KNL1: variants seen among roughly 807,000 people sequenced by gnomAD.
KNL1 encodes the protein outer kinetochore KNL1 complex subunit KNL1.
In KNL1, 66 loss-of-function variants were observed where a neutral mutation model predicts 201.3. That is an observed-to-expected ratio of 0.33 (90% CI 0.27 to 0.40). The LOEUF (loss-of-function observed/expected upper bound fraction) is 0.40. KNL1 is among the 10% of genes least tolerant of loss of function. The probability of loss-of-function intolerance (pLI) is 1.00; values close to 1 mark genes in which losing one functional copy is unlikely to be tolerated. For missense variants in KNL1, 2,815 were observed against 2,690.5 expected (o/e 1.05, Z -1.02); for synonymous variants, 895 against 899.2 (o/e 1.00, Z 0.08).
chr15:40,626,827 A>G (rs1892768149), intron 10 of KNL1, among the ~76,000 whole-genome samples: 1 of 149,272 alleles, frequency 6.7e-6, no homozygotes, highest in Non-Finnish European at 1.5e-5. Flanking sequence ...TGACCCACCC[A>G]CCTCGACCTC....
intron 24 of KNL1, among the ~76,000 whole-genome samples, chr15:40,658,062 T>TC (rs774412184): frequency 6.6e-6 from 1 of 151,938 alleles, no homozygotes; most frequent in Non-Finnish European, 1.5e-5. Context: ...GGTCAGGACT[T>TC]CAAGACCAGC....
At position 40,621,076 on chromosome 15, in the gene KNL1, C is replaced by G. The variant is rs201037775; in HGVS notation, c.812C>G (p.Thr271Ser). Reference sequence around the variant, plus strand: ...GAAGATGAAAATAACAGTAATATTACTAGGCTCTTTAGAGAAAAAGATGAT... The same window carrying G: ...GAAGATGAAAATAACAGTAATATTAGTAGGCTCTTTAGAGAAAAAGATGAT... ...LKEDENNSNI[T>S]RLFREKDDGM... The change falls in exon 10 of 26, where the codon ACT becomes AGT. Residue 271 changes from threonine (T) to serine (S), a missense_variant. Transcript: ENST00000399668. 345 of 1,612,892 alleles carry G rather than the reference C, an allele frequency of 2.1e-4. No homozygotes were observed. The African/African-American group carries it at 3.8e-3, about 18-fold the overall frequency.
Position 40,654,929 on chromosome 15 carries a change from A to G in KNL1, c.6436A>G (p.Lys2146Glu), listed in dbSNP as rs1893676014. The change falls in exon 22 of 26, where the codon AAG becomes GAG. Residue 2146 changes from lysine (K) to glutamate (E), a missense_variant. Coordinates refer to ENST00000399668, the MANE Select transcript of KNL1 (RefSeq NM_144508.5). ...ESVVGFPFLD[K>E]RYRKIVDVNF... ...TCTAGTTGGTTTCCCTTTCCTGGAC[A>G]AGCGTTATAGGAAGATTGTTGATGT... 2.5e-6 allele frequency: 4 copies of G among 1,612,682 alleles called. No individual in the cohort carries two copies. The highest frequency in any genetic ancestry group is 2.5e-6 in the Non-Finnish European group (3 of 1,179,498).
At chr15:40,603,544 C>T (rs1891876924) in intron 2 of KNL1, among the ~76,000 whole-genome samples, 1 of 152,158 alleles carries the variant, frequency 6.6e-6, no homozygotes, top group Non-Finnish European at 1.5e-5. Flanking sequence ...GAGGCTTAGG[C>T]CCAGTAACTT....
chr15:40,628,640 T>C lies in KNL1; in HGVS notation c.5545T>C (p.Phe1849Leu). Residue 1849 changes from phenylalanine to leucine, a missense_variant, in exon 12 of 26, where the codon TTT becomes CTT. By Grantham distance (22) the Phe-to-Leu change is conservative (BLOSUM62 0). This residue lies in a region of KNL1 where 2,464 missense variants were observed against 2,291.7 expected (regional missense o/e 1.08). Transcript: ENST00000399668. Reference sequence around the variant, plus strand: ...CCGCAGTAGTCAAATGGAATCACAGTTTCTCAGAGATACTATTTGTGAAGA... The same window carrying C: ...CCGCAGTAGTCAAATGGAATCACAGCTTCTCAGAGATACTATTTGTGAAGA... The part of the protein sequence containing the change: ...TYRSSQMESQ[F>L]LRDTICEESL... 1.2e-6 allele frequency: 2 copies of C among 1,603,296 alleles called. No homozygotes were observed. The highest frequency in any genetic ancestry group is 1.7e-6 in the Non-Finnish European group (2 of 1,173,806).
chr15:40,630,472 G>C (rs937168816), intron 13 of KNL1, among the ~76,000 whole-genome samples: 4 of 152,110 alleles, frequency 2.6e-5, no homozygotes, highest in African/African-American at 9.7e-5. Context: ...CAACCCCTGG[G>C]GTTAGGAACT....
Position 40,661,992 on chromosome 15 carries a change from T to G in KNL1, c.6837-82T>G, listed in dbSNP as rs1470773753. 3 of 736,716 alleles carry G rather than the reference T, an allele frequency of 4.1e-6. No individual in the cohort carries two copies. The African/African-American group carries it at 5.2e-5, about 13-fold the overall frequency. 45.6% of individuals were successfully genotyped at this position (736,716 alleles called of 1,614,324 possible). On this transcript the variant is annotated intron_variant, in intron 25 of 25. Coordinates refer to ENST00000399668, the MANE Select transcript of KNL1 (RefSeq NM_144508.5). ...GGAGGTGGAGCTTGCAGTGAGCGGA[T>G]TGCGCCACTGCACTCCAGCCTGGGC... is the stretch of plus-strand genomic sequence containing the variant.
At chr15:40,611,733 T>A (rs909907554) in intron 7 of KNL1, among the ~76,000 whole-genome samples, 3 of 152,034 alleles carry the variant, frequency 2.0e-5, no homozygotes, top group South Asian at 2.1e-4. Context: ...TATTAACTAA[T>A]ATAAAACAAT....
chr15:40,623,851 A>C lies in KNL1; in HGVS notation c.3587A>C (p.Asn1196Thr). ...AAATTTGGAATAGGAAAAGGAAAAA[A>C]CTTGGGTGTTTCCTTTCCTAAGGAT... ...NPKFGIGKGK[N>T]LGVSFPKDNS... Residue 1196 changes from asparagine (N) to threonine (T), a missense_variant, in exon 10 of 26, where the codon AAC (asparagine) becomes ACC (threonine). By Grantham distance (65) the Asn-to-Thr change is moderately conservative. Transcript: ENST00000399668. 3 of 1,613,722 alleles carry C rather than the reference A, an allele frequency of 1.9e-6. No individual in the cohort carries two copies. Among genetic ancestry groups the C allele is most frequent in the Non-Finnish European group, 2.5e-6 (3 of 1,179,868 alleles).
intron 17 of KNL1, among the ~76,000 whole-genome samples, chr15:40,649,013 T>G (rs1407006707): frequency 6.7e-6 from 1 of 148,418 alleles, no homozygotes; most frequent in Non-Finnish European, 1.5e-5. Flanking sequence ...TTTTTTTGTA[T>G]TTTTAGTAGA....
intron 1 of KNL1, among the ~76,000 whole-genome samples, chr15:40,600,980 CAGAT>C (rs1336135791): frequency 1.3e-5 from 2 of 152,176 alleles, no homozygotes; most frequent in African/African-American, 4.8e-5. Flanking sequence ...GACTTTCCCT[CAGAT>C]AAATATACAT....
chr15:40,612,196 G>A (rs1892186867), intron 7 of KNL1, among the ~76,000 whole-genome samples: 1 of 152,088 alleles, frequency 6.6e-6, no homozygotes, highest in Non-Finnish European at 1.5e-5. Context: ...GGCGCCTGTA[G>A]TCCCAGCTAC....
At chr15:40,626,870 A>G (rs940284831) in intron 10 of KNL1, among the ~76,000 whole-genome samples, 3 of 151,000 alleles carry the variant, frequency 2.0e-5, no homozygotes, top group Non-Finnish European at 4.4e-5. Flanking sequence ...ATAAGCCACC[A>G]CGGCCCATAA....
Position 40,645,136 on chromosome 15 carries a change from C to T in KNL1, c.5889+49C>T, listed in dbSNP as rs368699168. ...TGAGAATCAGTGAAGACATTCTGAA[C>T]GATGTTTATTGTGAAATGAGTAACT... On this transcript the variant is annotated intron_variant, in intron 15 of 25. Coordinates refer to ENST00000399668, the MANE Select transcript of KNL1 (RefSeq NM_144508.5). 4.8e-5 allele frequency: 60 copies of T among 1,253,296 alleles called. No individual in the cohort carries two copies. In the African/African-American group the frequency reaches 6.1e-4, roughly 13 times the overall value. The allele number at this position is 1,253,296 out of a possible 1,614,324, so 77.6% of individuals were successfully genotyped here.
In KNL1 at chr15:40,657,021, CTTT is replaced by C; in HGVS notation, c.6485-13_6485-11del. 1.8e-6 allele frequency: 2 copies of C among 1,126,316 alleles called. No homozygotes were observed. The highest frequency in any genetic ancestry group is 2.5e-6 in the Non-Finnish European group (2 of 808,816). The allele number at this position is 1,126,316 out of a possible 1,614,324, so 69.8% of individuals were successfully genotyped here. A position where few individuals can be genotyped will look rare whatever the true frequency, so the allele number is the denominator to read the frequency against. On this transcript the variant is annotated intron_variant, in intron 22 of 25. Coordinates refer to ENST00000399668, the MANE Select transcript of KNL1 (RefSeq NM_144508.5). ...AATCATAAGTAATAACCTGCTTTTGCTTTTTTTTTTCCTTCCCCAGAGGATCAA... is the reference window on the plus strand; with the variant it reads ...AATCATAAGTAATAACCTGCTTTTGCTTTTTTTCCTTCCCCAGAGGATCAA...
Position 40,623,916 on chromosome 15 carries a change from G to C in KNL1, c.3652G>C (p.Ala1218Pro). The change falls in exon 10 of 26, where the codon GCT becomes CCT. Residue 1218 changes from alanine (A) to proline (P), a missense_variant. Around this residue, in one of 3 missense-constraint regions of KNL1, gnomAD observed 2,464 missense variants for 2,291.7 expected, o/e 1.08. Coordinates refer to ENST00000399668, the MANE Select transcript of KNL1 (RefSeq NM_144508.5). ...AGAAATCGCTGAAAAACAAGCACTG[G>C]CTGTAGGAAACAAAATAGTTCTTCA... ...VQEIAEKQAL[A>P]VGNKIVLHTE... 6.2e-7 allele frequency: 1 copy of C among 1,613,266 alleles called. No individual in the cohort carries two copies. Among genetic ancestry groups the C allele is most frequent in the Non-Finnish European group, 8.5e-7 (1 of 1,179,930 alleles).
chr15:40,610,673 G>T, intron 6 of KNL1: 1 of 446,902 alleles, frequency 2.2e-6, no homozygotes, highest in Non-Finnish European at 4.4e-6. Context: ...CTGGGCAACA[G>T]AGCAAGACTC....
At chr15:40,620,189 G>A (rs1294834642) in intron 9 of KNL1, among the ~76,000 whole-genome samples, 2 of 151,666 alleles carry the variant, frequency 1.3e-5, no homozygotes, top group South Asian at 2.1e-4. Flanking sequence ...GATTACAGGC[G>A]TGAGCCACTG....
At chr15:40,602,716 C>T (rs571132731) in intron 1 of KNL1, among the ~76,000 whole-genome samples, 199 bp from the exon 2 acceptor site, 1 of 149,178 alleles carries the variant, frequency 6.7e-6, no homozygotes, top group East Asian at 2.1e-4. Context: ...AACTTCTGAC[C>T]TCAGGTGATC....
Sources: allele counts gnomAD v4.1 joint callset (sites outside exome capture counted in the v4.1 genomes callset), GRCh38; gene constraint gnomAD v4.1.1; regional missense constraint gnomAD v4.1.1; transcripts MANE v1.5; gene names NCBI Gene and HGNC (gene_info 2026-07-23, HGNC 2026-07-21).